The following CDH4 variants were observed in gnomAD, a reference collection of about 807,000 sequenced individuals.
CDH4 encodes cadherin-4.
Under a neutral mutation model 86.0 loss-of-function variants are expected in CDH4, and 33 were observed. The ratio of observed to expected loss-of-function variants is 0.38; its 90% CI spans 0.29 to 0.51. CDH4 has a LOEUF of 0.51. CDH4 is among the 20% of genes least tolerant of loss of function. The pLI, the probability that CDH4 is intolerant of heterozygous loss-of-function variation, is 0.86. For synonymous variants in CDH4, 555 were observed against 549.4 expected (o/e 1.01, Z -0.14); for missense variants, 1,114 against 1,307.4 (o/e 0.85, Z 2.28).
rs2088537072 is a variant in CDH4, at chr20:61,754,628, C to G, written c.396+10839C>G. 6.6e-6 allele frequency among the ~76,000 whole-genome samples: 1 copy of G among 151,458 alleles called. No homozygotes were observed. Among genetic ancestry groups the G allele is most frequent in the African/African-American group, 2.4e-5 (1 of 41,138 alleles). ...ACACACACGGTGCACGGCACACACACCACACACACACGCCCCACACACCAC... is the reference window on the plus strand; with the variant it reads ...ACACACACGGTGCACGGCACACACAGCACACACACACGCCCCACACACCAC... On this transcript the variant is annotated intron_variant, in intron 3 of 15. Coordinates refer to ENST00000614565, the MANE Select transcript of CDH4 (RefSeq NM_001794.5). This position sits in a 1 kb window ranked among gnomAD's most constrained non-coding sequence, Gnocchi z 4.7.
rs562525950 is a variant in CDH4, at chr20:61,305,270, C to T, written c.169+50333C>T. Among the ~76,000 whole-genome samples the T allele has an allele frequency of 6.1e-4, 93 of 152,182 alleles. No individual in the cohort carries two copies. The East Asian group carries it at 6.6e-3, about 11-fold the overall frequency. On this transcript the variant is annotated intron_variant, in intron 2 of 15. Coordinates refer to ENST00000614565, the MANE Select transcript of CDH4 (RefSeq NM_001794.5). ...TGGGGGCAGAGGGGGAAGAAACCTT[C>T]CACCCAGCGTGGCTTTCGAGATGCA...
chr20:61,259,666 TTC>T (rs150471311), intron 2 of CDH4, among the ~76,000 whole-genome samples: 2 of 151,600 alleles, frequency 1.3e-5, no homozygotes, highest in African/African-American at 4.8e-5. Context: ...CCAGTATTGA[TTC>T]TCTCTCTCTC....
At chr20:61,819,145 G>A (rs1980886343) in intron 4 of CDH4, among the ~76,000 whole-genome samples, 1 of 152,184 alleles carries the variant, frequency 6.6e-6, no homozygotes, top group Non-Finnish European at 1.5e-5. Context: ...TGGGGTCTTT[G>A]TATCTGCAAG....
chr20:61,369,222 G>GACTGCGCCGGTGAAGCTT, intron 2 of CDH4, among the ~76,000 whole-genome samples: 2 of 152,114 alleles, frequency 1.3e-5, no homozygotes, highest in Admixed American at 6.6e-5. Context: ...GGAGGCTGAG[G>GACTGCGCCGGTGAAGCTT]CGGGCAGATC....
At position 61,544,255 on chromosome 20, in the gene CDH4, G is replaced by T. The variant is rs112173110; in HGVS notation, c.170-199308G>T. On this transcript the variant is annotated intron_variant, in intron 2 of 15. Transcript: ENST00000614565. This position sits in a 1 kb window ranked among gnomAD's most constrained non-coding sequence, Gnocchi z 6.5. ...ACCACAGTTGTGTATGTATATGGCG[G>T]GGTACGGCTGACATCGAGCGGGTGG... is the stretch of plus-strand genomic sequence containing the variant. Among the ~76,000 whole-genome samples, 3 of 152,120 alleles carry T rather than the reference G, an allele frequency of 2.0e-5. No homozygotes were observed. Among genetic ancestry groups the T allele is most frequent in the African/African-American group, 7.2e-5 (3 of 41,430 alleles).
At chr20:61,304,568 T>C (rs1280751012) in intron 2 of CDH4, among the ~76,000 whole-genome samples, 3 of 152,040 alleles carry the variant, frequency 2.0e-5, no homozygotes, top group Admixed American at 6.6e-5. Context: ...TTTTGAACTC[T>C]GAATTGTACT....
intron 2 of CDH4, among the ~76,000 whole-genome samples, chr20:61,571,755 TCCCCTTCCCACCCTTCCCCA>T (rs1288838950): frequency 4.4e-5 from 5 of 112,770 alleles, no homozygotes; most frequent in South Asian, 6.0e-4. Context: ...ACTCTTTCCC[TCCCCTTCCCACCCTTCCCCA>T]CCCCTTCCCG....
chr20:61,772,250 A>C (rs1012009625), intron 3 of CDH4, among the ~76,000 whole-genome samples: 16 of 152,316 alleles, frequency 1.1e-4, no homozygotes, highest in Non-Finnish European at 2.1e-4. Flanking sequence ...TCCAAGGCCA[A>C]ATCCCACACC....
At chr20:61,930,472 G>A (rs893463461) in intron 13 of CDH4, among the ~76,000 whole-genome samples, 5 of 152,222 alleles carry the variant, frequency 3.3e-5, no homozygotes, top group South Asian at 4.1e-4. Flanking sequence ...GACAGTCACC[G>A]TGGTCTGTGA....
At chr20:61,334,277 G>T (rs1568802444) in intron 2 of CDH4, among the ~76,000 whole-genome samples, 1 of 152,166 alleles carries the variant, frequency 6.6e-6, no homozygotes, top group Non-Finnish European at 1.5e-5. Flanking sequence ...TTTTTGTGGT[G>T]TCTCACATAA....
intron 2 of CDH4, among the ~76,000 whole-genome samples, chr20:61,560,060 GA>G (rs2086205328): frequency 6.6e-6 from 1 of 152,190 alleles, no homozygotes; most frequent in African/African-American, 2.4e-5. Flanking sequence ...CGAGTGCATA[GA>G]GGAGATCGAC....
chr20:61,862,903 G>GT (rs1022858983), intron 6 of CDH4, among the ~76,000 whole-genome samples: 1 of 152,134 alleles, frequency 6.6e-6, no homozygotes, highest in African/African-American at 2.4e-5. Flanking sequence ...ACAGCACCGA[G>GT]TTTTTGCTTA....
intron 2 of CDH4, among the ~76,000 whole-genome samples, chr20:61,424,280 C>A (rs963678407): frequency 6.6e-6 from 1 of 151,474 alleles, no homozygotes; most frequent in Non-Finnish European, 1.5e-5. Flanking sequence ...CCACATACAA[C>A]ACACATGTAT....
At chr20:61,665,750 G>A (rs915521908) in intron 2 of CDH4, among the ~76,000 whole-genome samples, 8 of 152,136 alleles carry the variant, frequency 5.3e-5, no homozygotes, top group Non-Finnish European at 1.0e-4. Flanking sequence ...ACCTAACATC[G>A]GATTTATCTC....
rs1481478150 is a variant in CDH4, at chr20:61,544,148, C to T, written c.170-199415C>T. Among the ~76,000 whole-genome samples the T allele has an allele frequency of 6.6e-6, 1 of 152,202 alleles. No individual in the cohort carries two copies. The highest frequency in any genetic ancestry group is 1.5e-5 in the Non-Finnish European group (1 of 68,042). Reference sequence around the variant, plus strand: ...TACACTGTGTGGTCCGGTCCCACGGCCATGTGGTCTCTTTAGATCTGCGGT... The same window carrying T: ...TACACTGTGTGGTCCGGTCCCACGGTCATGTGGTCTCTTTAGATCTGCGGT... On this transcript the variant is annotated intron_variant, in intron 2 of 15. Coordinates refer to ENST00000614565, the MANE Select transcript of CDH4 (RefSeq NM_001794.5). The surrounding 1 kb of genome is among the most constrained non-coding windows in gnomAD (Gnocchi z 6.5).
rs543684739 is a variant in CDH4, at chr20:61,936,686, G to A, written c.2545-51G>A. Reference sequence around the variant, plus strand: ...CTCGCTTTCCGTTCCATCTGATCCCGGGGCTGAGACAACGCGTCCTGCACC... The same window carrying A: ...CTCGCTTTCCGTTCCATCTGATCCCAGGGCTGAGACAACGCGTCCTGCACC... On this transcript the variant is annotated intron_variant, in intron 15 of 15. Transcript: ENST00000614565. 3.1e-5 allele frequency: 43 copies of A among 1,409,528 alleles called. No homozygotes were observed. The African/African-American group carries it at 3.9e-4, about 13-fold the overall frequency. The allele number at this position is 1,409,528 out of a possible 1,614,324, so 87.3% of individuals were successfully genotyped here.
intron 2 of CDH4, among the ~76,000 whole-genome samples, chr20:61,424,109 C>T (rs1200815162): frequency 6.6e-6 from 1 of 151,482 alleles, no homozygotes; most frequent in East Asian, 2.0e-4. Flanking sequence ...CACACATATA[C>T]ACACATAGCA....
At chr20:61,695,814 C>A (rs570880331) in intron 2 of CDH4, among the ~76,000 whole-genome samples, 1 of 152,376 alleles carries the variant, frequency 6.6e-6, no homozygotes, top group Admixed American at 6.5e-5. Flanking sequence ...TCCTTCCCCT[C>A]TCTGCAGTTG....
intron 4 of CDH4, among the ~76,000 whole-genome samples, chr20:61,816,508 A>G (rs979036376): frequency 1.3e-5 from 2 of 152,234 alleles, no homozygotes; most frequent in African/African-American, 4.8e-5. Context: ...AAAAGTAGCT[A>G]CTATCACAGA....
Sources: allele counts gnomAD v4.1 joint callset (sites outside exome capture counted in the v4.1 genomes callset), GRCh38; gene constraint gnomAD v4.1.1; non-coding constraint Gnocchi (gnomAD v3.1); transcripts MANE v1.5; gene names NCBI Gene and HGNC (gene_info 2026-07-23, HGNC 2026-07-21).